The following PPM1E variants were observed in gnomAD, a reference collection of about 807,000 sequenced individuals.
The protein encoded by PPM1E is protein phosphatase, Mg2+/Mn2+ dependent 1E.
In PPM1E, 20 loss-of-function variants were observed where a neutral mutation model predicts 65.9. The ratio of observed to expected loss-of-function variants is 0.30; its 90% CI spans 0.21 to 0.44. PPM1E has a LOEUF of 0.44. Ranked by LOEUF, PPM1E falls within the 20% of genes least tolerant of loss-of-function variation. PPM1E has a pLI of 1.00. For missense variants in PPM1E, 713 were observed against 953.1 expected, an observed-to-expected ratio of 0.75 and a Z score of 3.32; for synonymous variants, 352 against 374.9, an observed-to-expected ratio of 0.94 and a Z score of 0.70.
intron 1 of PPM1E, among the ~76,000 whole-genome samples, chr17:58,855,555 TA>T (rs2050873744): frequency 1.3e-5 from 2 of 152,246 alleles, no homozygotes; most frequent in East Asian, 3.9e-4. Context: ...CAAGACATGC[TA>T]AAAGGCAAAA....
chr17:58,759,597 A>T (rs1175869726), intron 1 of PPM1E, among the ~76,000 whole-genome samples: 16 of 152,350 alleles, frequency 1.1e-4, no homozygotes. Flanking sequence ...GTAGACTATT[A>T]AACGAAGATA....
At chr17:58,887,704 T>C (rs1198161682) in intron 1 of PPM1E, among the ~76,000 whole-genome samples, 2 of 152,194 alleles carry the variant, frequency 1.3e-5, no homozygotes, top group African/African-American at 4.8e-5. Flanking sequence ...AAGTAGGGTC[T>C]TGTAAGCCAT....
chr17:58,971,822 A>C (rs1276690925), intron 4 of PPM1E, among the ~76,000 whole-genome samples: 1 of 152,250 alleles, frequency 6.6e-6, no homozygotes, highest in Admixed American at 6.5e-5. Flanking sequence ...TCTGTCTTAT[A>C]TACTAATAGT....
intron 1 of PPM1E, among the ~76,000 whole-genome samples, chr17:58,890,295 A>G (rs921756513): frequency 6.6e-6 from 1 of 152,190 alleles, no homozygotes; most frequent in Non-Finnish European, 1.5e-5. Flanking sequence ...TAACCTTCTT[A>G]TGTGTCAGAA....
intron 1 of PPM1E, among the ~76,000 whole-genome samples, chr17:58,940,902 G>A (rs932834473): frequency 7.9e-5 from 12 of 152,056 alleles, no homozygotes; most frequent in African/African-American, 2.9e-4. Context: ...GTAGAGACAG[G>A]GTTTTGCCAC....
Position 58,981,604 on chromosome 17 carries a change from CAT to C in PPM1E, c.*576_*577del, listed in dbSNP as rs2031360295. 2.6e-5 allele frequency: 4 copies of C among 152,650 alleles called. No individual in the cohort carries two copies. The South Asian group carries it at 8.3e-4, about 32-fold the overall frequency. The allele number at this position is 152,650 out of a possible 1,614,324, so 9.5% of individuals were successfully genotyped here. The stretch of plus-strand genomic sequence containing the variant: ...AAGTGGTAAATCAGTGTAAAAGTGT[CAT>C]ATTCTCAGACTTGTGAGGCGGTTTA... On this transcript the variant is annotated 3_prime_UTR_variant, in exon 7 of 7. Coordinates refer to ENST00000308249, the MANE Select transcript of PPM1E (RefSeq NM_014906.5).
chr17:58,782,222 A>T (rs2050057141), intron 1 of PPM1E, among the ~76,000 whole-genome samples: 1 of 152,146 alleles, frequency 6.6e-6, no homozygotes, highest in Non-Finnish European at 1.5e-5. Flanking sequence ...AGAAGGCTTT[A>T]AAAAAATTGA....
chr17:58,977,431 A>G (rs1371169863), intron 6 of PPM1E, among the ~76,000 whole-genome samples: 2 of 148,270 alleles, frequency 1.3e-5, no homozygotes, highest in African/African-American at 5.0e-5. Flanking sequence ...CCACAGTGAG[A>G]CTCTGTCTCA....
intron 1 of PPM1E, among the ~76,000 whole-genome samples, chr17:58,851,751 A>G (rs1435068303): frequency 6.6e-6 from 1 of 152,164 alleles, no homozygotes; most frequent in Non-Finnish European, 1.5e-5. Context: ...AGGAGGCAAT[A>G]TGTCCTTTCT....
intron 1 of PPM1E, among the ~76,000 whole-genome samples, chr17:58,879,653 C>T (rs1046551164): frequency 6.6e-6 from 1 of 151,672 alleles, no homozygotes; most frequent in Non-Finnish European, 1.5e-5. Context: ...GGACTACAGG[C>T]GCCCACCACC....
chr17:58,834,663 T>C (rs1324012684), intron 1 of PPM1E, among the ~76,000 whole-genome samples: 1 of 152,198 alleles, frequency 6.6e-6, no homozygotes, highest in Non-Finnish European at 1.5e-5. Flanking sequence ...CTTGCTTCAT[T>C]AAATTGCTTT....
intron 2 of PPM1E, among the ~76,000 whole-genome samples, chr17:58,961,839 T>C (rs2030040261): frequency 6.6e-6 from 1 of 152,212 alleles, no homozygotes; most frequent in Non-Finnish European, 1.5e-5. Flanking sequence ...GGTCTTGCTA[T>C]GTTGGCCAGG....
rs1427419859 is a variant in PPM1E at position 58,900,654 on chromosome 17, A to AC, written c.465-54993dup. 3.9e-5 allele frequency among the ~76,000 whole-genome samples: 6 copies of AC among 152,262 alleles called. No individual in the cohort carries two copies. In the East Asian group the frequency reaches 9.7e-4, roughly 24 times the overall value. On this transcript the variant is annotated intron_variant, in intron 1 of 6. Coordinates refer to ENST00000308249, the MANE Select transcript of PPM1E (RefSeq NM_014906.5). ...AAGCAATATTTGCTTTATTGTGGTA[A>AC]CCTGGAGCTGAACCCACACTAGCTT...
chr17:58,756,625 G>T lies in PPM1E; in HGVS notation c.464+164G>T, dbSNP rs535680421. On this transcript the variant is annotated intron_variant, in intron 1 of 6. Coordinates refer to ENST00000308249, the MANE Select transcript of PPM1E (RefSeq NM_014906.5). Reference sequence around the variant, plus strand: ...CCCCGCTGCTCGGACCCGGGCGGTCGGCTGAGAGCTGCCCACGCCCGCCTC... The same window carrying T: ...CCCCGCTGCTCGGACCCGGGCGGTCTGCTGAGAGCTGCCCACGCCCGCCTC... 3.3e-5 allele frequency among the ~76,000 whole-genome samples: 5 copies of T among 149,350 alleles called. No homozygotes were observed. In the East Asian group the frequency reaches 8.0e-4, roughly 24 times the overall value.
At chr17:58,961,109 T>G (rs1598680668) in intron 2 of PPM1E, among the ~76,000 whole-genome samples, 1 of 152,058 alleles carries the variant, frequency 6.6e-6, no homozygotes, top group East Asian at 1.9e-4. Context: ...GAGTAATAGG[T>G]AGGAAAACTA....
intron 1 of PPM1E, among the ~76,000 whole-genome samples, chr17:58,871,105 G>A (rs2051064172): frequency 1.3e-5 from 2 of 152,104 alleles, no homozygotes; most frequent in South Asian, 2.1e-4. Context: ...TGTGATTACA[G>A]CTCACTGCAG....
At chr17:58,904,246 C>T (rs2051529739) in intron 1 of PPM1E, among the ~76,000 whole-genome samples, 1 of 152,168 alleles carries the variant, frequency 6.6e-6, no homozygotes, top group Non-Finnish European at 1.5e-5. Context: ...GTACTATCAT[C>T]TTTATTTGCC....
At chr17:58,799,427 G>A (rs1333873717) in intron 1 of PPM1E, among the ~76,000 whole-genome samples, 1 of 150,540 alleles carries the variant, frequency 6.6e-6, no homozygotes, top group Non-Finnish European at 1.5e-5. Context: ...GACCACAGGC[G>A]TGTGCCACCA....
chr17:58,950,207 C>T (rs757811047), intron 1 of PPM1E, among the ~76,000 whole-genome samples: 1 of 152,040 alleles, frequency 6.6e-6, no homozygotes, highest in Non-Finnish European at 1.5e-5. Flanking sequence ...ACTAAAAATA[C>T]AAAAATTAGC....
Sources: gnomAD v4.1 joint callset for allele counts (sites outside exome capture counted in the v4.1 genomes callset) on GRCh38, gnomAD v4.1.1 for gene constraint, MANE v1.5 for transcripts, NCBI Gene and HGNC (gene_info 2026-07-23, HGNC 2026-07-21) for gene names.